CSMD1: variants seen among roughly 807,000 people sequenced by gnomAD.
CSMD1 encodes the protein CUB and sushi domain-containing protein 1.
In CSMD1, 213 loss-of-function variants were observed where a neutral mutation model predicts 417.5. The observed-to-expected ratio is 0.51, with a 90% CI of 0.46 to 0.57. The LOEUF (loss-of-function observed/expected upper bound fraction) is 0.57, where lower values mean the gene tolerates loss of function less well. Among genes scored for constraint, CSMD1 ranks in the 20% least tolerant of loss-of-function variants. The probability of loss-of-function intolerance (pLI) is 0.00; values close to 1 mark genes in which losing one functional copy is unlikely to be tolerated. For synonymous variants in CSMD1, 2,862 were observed against 1,736.8 expected, an observed-to-expected ratio of 1.65 and a Z score of -16.11; for missense variants, 6,923 against 4,529.7, an observed-to-expected ratio of 1.53 and a Z score of -15.17.
At chr8:4,171,722 A>G (rs1447456388) in intron 3 of CSMD1, among the ~76,000 whole-genome samples, 2 of 149,620 alleles carry the variant, frequency 1.3e-5, no homozygotes, top group African/African-American at 5.1e-5. Flanking sequence ...TTATGTGCCA[A>G]GCTTCTGAAA....
intron 5 of CSMD1, among the ~76,000 whole-genome samples, chr8:3,885,747 C>G (rs565881352): frequency 1.3e-5 from 2 of 152,198 alleles, no homozygotes; most frequent in Non-Finnish European, 2.9e-5. Flanking sequence ...CCTTCTCCAT[C>G]TCACAAACAA....
chr8:3,094,098 T>A (rs201512321), intron 47 of CSMD1, among the ~76,000 whole-genome samples: 3 of 144,476 alleles, frequency 2.1e-5, no homozygotes, highest in Non-Finnish European at 4.6e-5. Context: ...TTTTATTTTA[T>A]TTTATTTTTT....
chr8:4,834,557 G>C (rs1800343769), intron 1 of CSMD1, among the ~76,000 whole-genome samples: 2 of 152,056 alleles, frequency 1.3e-5, no homozygotes, highest in African/African-American at 2.4e-5. Context: ...ACCAATAGAA[G>C]GGAAGAACGA....
chr8:4,440,824 C>T (rs1798424923), intron 2 of CSMD1, among the ~76,000 whole-genome samples: 2 of 151,824 alleles, frequency 1.3e-5, no homozygotes, highest in African/African-American at 4.8e-5. Flanking sequence ...GCTCAAACCT[C>T]CTCTCTACTG....
At chr8:4,863,336 T>C (rs1410707379) in intron 1 of CSMD1, among the ~76,000 whole-genome samples, 1 of 152,040 alleles carries the variant, frequency 6.6e-6, no homozygotes, top group Non-Finnish European at 1.5e-5. Flanking sequence ...CATATTATCA[T>C]AAAATCATAG....
At chr8:4,508,253 T>G (rs1330380811) in intron 2 of CSMD1, among the ~76,000 whole-genome samples, 4 of 151,752 alleles carry the variant, frequency 2.6e-5, no homozygotes, top group African/African-American at 4.8e-5. Context: ...TTATTTTTCA[T>G]CAGCTGTGTG....
chr8:4,495,624 G>A (rs1443192964), intron 2 of CSMD1, among the ~76,000 whole-genome samples: 1 of 152,058 alleles, frequency 6.6e-6, no homozygotes, highest in Non-Finnish European at 1.5e-5. Context: ...ATATTAAAAT[G>A]TATGCTGCAG....
At chr8:4,134,761 C>T (rs1171152638) in intron 3 of CSMD1, among the ~76,000 whole-genome samples, 2 of 152,196 alleles carry the variant, frequency 1.3e-5, no homozygotes, top group Admixed American at 1.3e-4. Flanking sequence ...CCAATATACC[C>T]CTTCTGAGCC....
chr8:4,616,767 T>C (rs75730340), intron 2 of CSMD1, among the ~76,000 whole-genome samples: 2,864 of 152,270 alleles, frequency 0.019, 133 homozygotes, highest in East Asian at 0.18. Context: ...CATAAATGCA[T>C]GGCTACCCTT....
intron 8 of CSMD1, among the ~76,000 whole-genome samples, chr8:3,598,711 C>T (rs1801211090): frequency 6.6e-6 from 1 of 152,144 alleles, no homozygotes; most frequent in African/African-American, 2.4e-5. Flanking sequence ...TAAAAACCTC[C>T]CTAGAGATGG....
At chr8:3,182,202 T>C (rs534715543) in intron 36 of CSMD1, among the ~76,000 whole-genome samples, 7 of 152,290 alleles carry the variant, frequency 4.6e-5, no homozygotes, top group Admixed American at 6.5e-5. Flanking sequence ...AAAGATAAGA[T>C]TGTCTATCAT....
chr8:3,285,418 G>A lies in CSMD1; in HGVS notation c.3951-1072C>T, dbSNP rs538496999. On this transcript the variant is annotated intron_variant, in intron 25 of 69. Transcript: ENST00000635120. ...TTTTTTTTTCTAGAGATGGGATGTC[G>A]CTCCCTCTCCTAGGCTGGAGTGCAG... is the stretch of plus-strand genomic sequence containing the variant. Among the ~76,000 whole-genome samples the A allele has an allele frequency of 4.9e-4, 73 of 148,098 alleles. 1 individual carries two copies. In the South Asian group the frequency reaches 8.1e-3, roughly 16 times the overall value.
intron 36 of CSMD1, among the ~76,000 whole-genome samples, chr8:3,184,762 C>G (rs1474951880): frequency 6.6e-6 from 1 of 152,178 alleles, no homozygotes; most frequent in Non-Finnish European, 1.5e-5. Flanking sequence ...TCCTTTCCTG[C>G]CTCAGGATAG....
chr8:4,544,131 A>C (rs1041713526), intron 2 of CSMD1, among the ~76,000 whole-genome samples: 3 of 152,160 alleles, frequency 2.0e-5, no homozygotes, highest in African/African-American at 7.2e-5. Context: ...CATAAAGTCC[A>C]ACTTAAATGA....
At chr8:3,631,222 G>C (rs1359998948) in intron 7 of CSMD1, among the ~76,000 whole-genome samples, 2 of 152,298 alleles carry the variant, frequency 1.3e-5, no homozygotes, top group East Asian at 3.9e-4. Flanking sequence ...TATGTGGACA[G>C]CACGTAACAC....
intron 3 of CSMD1, among the ~76,000 whole-genome samples, chr8:4,041,015 T>TTTTA (rs780050629): frequency 7.9e-6 from 1 of 126,116 alleles, no homozygotes; most frequent in Non-Finnish European, 1.6e-5. Flanking sequence ...TTTTTTTTTT[T>TTTTA]CCTTTTTTTT....
intron 5 of CSMD1, among the ~76,000 whole-genome samples, chr8:3,891,958 C>A (rs1365867725): frequency 1.3e-5 from 2 of 152,088 alleles, no homozygotes; most frequent in Non-Finnish European, 2.9e-5. Context: ...TTTCCAGCGT[C>A]CAAAAGCACA....
chr8:4,434,446 T>TG (rs1345944103), intron 2 of CSMD1, among the ~76,000 whole-genome samples: 3 of 152,318 alleles, frequency 2.0e-5, no homozygotes, highest in African/African-American at 7.2e-5. Context: ...CTTGGCTTTG[T>TG]GACCCATCCT....
chr8:4,397,252 GT>G (rs1025166425), intron 3 of CSMD1, among the ~76,000 whole-genome samples: 3 of 151,872 alleles, frequency 2.0e-5, no homozygotes, highest in Non-Finnish European at 4.4e-5. Context: ...GTGAGCATGC[GT>G]TTTTTCATAA....
Sources: gnomAD v4.1 joint callset for allele counts (sites outside exome capture counted in the v4.1 genomes callset) on GRCh38, gnomAD v4.1.1 for gene constraint, MANE v1.5 for transcripts, NCBI Gene and HGNC (gene_info 2026-07-23, HGNC 2026-07-21) for gene names.